The following FBRSL1 variants were observed in gnomAD, a reference collection of about 807,000 sequenced individuals.
FBRSL1 encodes fibrosin like 1, also known as fibrosin-1-like protein.
In FBRSL1, 51 loss-of-function variants were observed where a neutral mutation model predicts 89.6. The observed-to-expected ratio is 0.57, with a 90% CI of 0.45 to 0.72. The LOEUF is 0.72. FBRSL1 is among the 30% of genes least tolerant of loss of function. The pLI, the probability that FBRSL1 is intolerant of heterozygous loss-of-function variation, is 0.00. For synonymous variants in FBRSL1, 779 were observed against 681.1 expected (o/e 1.14, Z -2.24); for missense variants, 1,618 against 1,451.8 (o/e 1.11, Z -1.86).
Position 132,584,026 on chromosome 12 carries a change from G to C in FBRSL1, c.*248G>C, listed in dbSNP as rs1023033156. 1 of 220,730 alleles carries C rather than the reference G, an allele frequency of 4.5e-6. No individual in the cohort carries two copies. Among genetic ancestry groups the C allele is most frequent in the Non-Finnish European group, 8.9e-6 (1 of 112,546 alleles). 13.7% of individuals were successfully genotyped at this position (220,730 alleles called of 1,614,324 possible). A position where few individuals can be genotyped will look rare whatever the true frequency, so the allele number is the denominator to read the frequency against. On this transcript the variant is annotated 3_prime_UTR_variant, in exon 19 of 19. Coordinates refer to ENST00000680143, the MANE Select transcript of FBRSL1 (RefSeq NM_001367871.1). ...TTCCCCCCACAGATGAGAAGTGTTT[G>C]TAATGGATTTGTATTTTTCTTAATT...
chr12:132,526,870 G>A (rs998646947), intron 3 of FBRSL1, among the ~76,000 whole-genome samples: 3 of 152,104 alleles, frequency 2.0e-5, no homozygotes, highest in Non-Finnish European at 2.9e-5. Context: ...CCCTCCTGCT[G>A]GGGGAGGCCC....
At chr12:132,582,292 C>A (rs1324429887) in intron 18 of FBRSL1, 26 bp downstream of exon 18, 5 of 1,539,692 alleles carry the variant, frequency 3.2e-6, no homozygotes, top group Non-Finnish European at 4.4e-6. Flanking sequence ...GTTCCGTATC[C>A]CCACCACACA....
intron 5 of FBRSL1, among the ~76,000 whole-genome samples, chr12:132,563,790 C>T (rs59915994): frequency 2.6e-4 from 15 of 57,578 alleles, no homozygotes; most frequent in East Asian, 7.2e-4. Context: ...TACGACTGTA[C>T]ACTCACCCCC....
intron 1 of FBRSL1, among the ~76,000 whole-genome samples, chr12:132,500,661 C>T (rs1224486370): frequency 6.6e-6 from 1 of 152,164 alleles, no homozygotes. Context: ...CAGACTCCAT[C>T]CAGCCCGGGA....
intron 14 of FBRSL1, among the ~76,000 whole-genome samples, chr12:132,575,523 G>A (rs11146944): frequency 0.14 from 21,612 of 152,282 alleles, 1,828 homozygotes; most frequent in African/African-American, 0.24. Flanking sequence ...CACTGTGCCC[G>A]GCCAGAATGC....
chr12:132,505,770 G>A (rs2033608690), intron 1 of FBRSL1, among the ~76,000 whole-genome samples: 1 of 152,238 alleles, frequency 6.6e-6, no homozygotes, highest in South Asian at 2.1e-4. Flanking sequence ...GAAGCCCACA[G>A]GGCCAGCCTT....
rs755561944 is a variant in FBRSL1 at position 132,570,552 on chromosome 12, G to A, written c.1213+12G>A. 5.6e-5 allele frequency: 83 copies of A among 1,494,842 alleles called. 1 individual carries two copies. The South Asian group carries it at 6.8e-4, about 12-fold the overall frequency. The allele number at this position is 1,494,842 out of a possible 1,614,324, so 92.6% of individuals were successfully genotyped here. A position where few individuals can be genotyped will look rare whatever the true frequency, so the allele number is the denominator to read the frequency against. On this transcript the variant is annotated intron_variant, in intron 8 of 18. Transcript: ENST00000680143. Reference sequence around the variant, plus strand: ...AGGACACCCGGCCGGTAGGTGTCTCGGCCACAATCTCGCCCAGGGCAGGGG... The same window carrying A: ...AGGACACCCGGCCGGTAGGTGTCTCAGCCACAATCTCGCCCAGGGCAGGGG...
At chr12:132,525,655 T>C in intron 2 of FBRSL1, 79 bp from the exon 3 acceptor site, 1 of 1,188,036 alleles carries the variant, frequency 8.4e-7, no homozygotes, top group African/African-American at 1.5e-5. Context: ...GGAGCAGGCA[T>C]GTAGCCCTAG....
intron 4 of FBRSL1, among the ~76,000 whole-genome samples, chr12:132,536,197 CAT>C (rs561557574): frequency 6.7e-4 from 95 of 141,766 alleles, no homozygotes; most frequent in African/African-American, 2.4e-3. Context: ...TGCACATGTA[CAT>C]GATAGTGTGT....
chr12:132,546,833 G>A lies in FBRSL1; in HGVS notation c.616-1170G>A, dbSNP rs1441727619. ...GAGCAGCACGTTCTCGCTGCAGAGTGTCTGCTAAAGCGCATTTCACACCGT... is the reference window on the plus strand; with the variant it reads ...GAGCAGCACGTTCTCGCTGCAGAGTATCTGCTAAAGCGCATTTCACACCGT... On this transcript the variant is annotated intron_variant, in intron 4 of 18. Coordinates refer to ENST00000680143, the MANE Select transcript of FBRSL1 (RefSeq NM_001367871.1). The surrounding 1 kb of genome is among the most constrained non-coding windows in gnomAD (Gnocchi z 4.0). 6.6e-6 allele frequency among the ~76,000 whole-genome samples: 1 copy of A among 152,250 alleles called. No homozygotes were observed. The highest frequency in any genetic ancestry group is 2.4e-5 in the African/African-American group (1 of 41,466).
chr12:132,502,695 A>T (rs2033138335), intron 1 of FBRSL1, among the ~76,000 whole-genome samples: 1 of 149,602 alleles, frequency 6.7e-6, no homozygotes. Context: ...CCCTTACACC[A>T]TCCCCCACCT....
intron 5 of FBRSL1, chr12:132,565,898 G>A (rs1419316259): frequency 6.6e-6 from 1 of 152,200 alleles, no homozygotes; most frequent in Non-Finnish European, 1.5e-5. Context: ...ACAGATTTGT[G>A]GTTTCCCAGG....
At chr12:132,578,343 T>TCTCACACACA (rs147345475) in intron 15 of FBRSL1, among the ~76,000 whole-genome samples, 1 of 141,008 alleles carries the variant, frequency 7.1e-6, no homozygotes, top group Non-Finnish European at 1.5e-5. Context: ...AGACCCTGTC[T>TCTCACACACA]CACACACACA....
At chr12:132,501,201 C>A (rs1426004782) in intron 1 of FBRSL1, among the ~76,000 whole-genome samples, 1 of 152,220 alleles carries the variant, frequency 6.6e-6, no homozygotes, top group Non-Finnish European at 1.5e-5. Context: ...CCTGTTCACT[C>A]TGGGAGCCCA....
intron 4 of FBRSL1, among the ~76,000 whole-genome samples, chr12:132,530,595 A>C (rs2036176736): frequency 6.6e-6 from 1 of 151,810 alleles, no homozygotes; most frequent in African/African-American, 2.4e-5. Context: ...GTCTCCACTC[A>C]TTATTCAAGT....
chr12:132,551,474 C>T (rs1355861614), intron 5 of FBRSL1: 2 of 456,208 alleles, frequency 4.4e-6, no homozygotes, highest in African/African-American at 2.0e-5. Flanking sequence ...CCGAGGAAGC[C>T]TTCTGGACGG....
In FBRSL1 at chr12:132,583,625, C is replaced by T. The variant is rs1234303651; in HGVS notation, c.2856C>T (p.Ala952=). Residue 952 remains alanine, a synonymous_variant, in exon 19 of 19, where the codon GCC becomes GCT. Coordinates refer to ENST00000680143, the MANE Select transcript of FBRSL1 (RefSeq NM_001367871.1). ...LLARTPPAAA[A]LGAPPPLVTA... is the part of the protein sequence containing the mutation. ...CGCGGACCCCGCCCGCCGCCGCCGC[C>T]CTCGGCGCACCGCCCCCCCTGGTGA... 2 of 995,344 alleles carry T rather than the reference C, an allele frequency of 2.0e-6. No homozygotes were observed. Among genetic ancestry groups the T allele is most frequent in the Middle Eastern group, 5.0e-4 (1 of 2,002 alleles). The allele number at this position is 995,344 out of a possible 1,614,324, so 61.7% of individuals were successfully genotyped here.
rs749516836 is a variant in FBRSL1 at position 132,583,138 on chromosome 12, A to G, written c.2369A>G (p.Lys790Arg). The stretch of plus-strand genomic sequence containing the variant: ...GTCAAGGAGAGCCGCTCCCCGGCCA[A>G]GGAGGAGGCCGCCAAGATGCCCGCG... Reference protein sequence around the residue: ...PRVKESRSPAKEEAAKMPARA... With the variant: ...PRVKESRSPAREEAAKMPARA... The change falls in exon 19 of 19, where the codon AAG (lysine) becomes AGG (arginine). Residue 790 changes from lysine (K) to arginine (R), a missense_variant. By Grantham distance (26) the Lys-to-Arg change is conservative (BLOSUM62 2). Transcript: ENST00000680143. 9.6e-6 allele frequency: 14 copies of G among 1,464,126 alleles called. No homozygotes were observed. The South Asian group carries it at 1.7e-4, about 17-fold the overall frequency. 90.7% of individuals were successfully genotyped at this position (1,464,126 alleles called of 1,614,324 possible).
At chr12:132,496,864 C>T (rs539806907) in intron 1 of FBRSL1, among the ~76,000 whole-genome samples, 5 of 123,852 alleles carry the variant, frequency 4.0e-5, no homozygotes, top group East Asian at 2.8e-4. Flanking sequence ...TTGCGCGGGG[C>T]GCGTCTCTGG....
Sources: allele counts gnomAD v4.1 joint callset (sites outside exome capture counted in the v4.1 genomes callset), GRCh38; gene constraint gnomAD v4.1.1; non-coding constraint Gnocchi (gnomAD v3.1); transcripts MANE v1.5; gene names NCBI Gene and HGNC (gene_info 2026-07-23, HGNC 2026-07-21).